CCSER1: variants seen among roughly 807,000 people sequenced by gnomAD.
CCSER1 encodes the protein coiled-coil serine rich protein 1, also known as serine-rich coiled-coil domain-containing protein 1.
A neutral mutation model predicts 82.0 loss-of-function variants in CCSER1; 41 were observed. The observed-to-expected ratio is 0.50, with a 90% confidence interval of 0.39 to 0.65. CCSER1 has a LOEUF of 0.65. Among genes scored for constraint, CCSER1 ranks in the 30% least tolerant of loss-of-function variants. The pLI is 0.00. For synonymous variants in CCSER1, 414 were observed against 383.9 expected (o/e 1.08, Z -0.92); for missense variants, 1,119 against 1,064.2 (o/e 1.05, Z -0.72).
intron 5 of CCSER1, among the ~76,000 whole-genome samples, chr4:90,580,371 C>A (rs1215676171): frequency 6.6e-6 from 1 of 152,162 alleles, no homozygotes; most frequent in Non-Finnish European, 1.5e-5. Context: ...GAGAAACTTA[C>A]CTCACTCTTA....
chr4:91,387,462 A>T (rs1751369775), intron 10 of CCSER1, among the ~76,000 whole-genome samples: 1 of 152,064 alleles, frequency 6.6e-6, no homozygotes, highest in African/African-American at 2.4e-5. Context: ...TGATTTGATC[A>T]TCATTTATGT....
At chr4:90,416,938 T>G (rs1755889702) in intron 4 of CCSER1, among the ~76,000 whole-genome samples, 1 of 134,550 alleles carries the variant, frequency 7.4e-6, no homozygotes, top group Admixed American at 6.9e-5. Context: ...TTAGCAAACT[T>G]AACACAGGAA....
chr4:90,811,379 T>C (rs908382694), intron 7 of CCSER1, among the ~76,000 whole-genome samples: 5 of 152,202 alleles, frequency 3.3e-5, no homozygotes, highest in East Asian at 1.9e-4. Context: ...CTGAAGAGTT[T>C]TGATTTTCTT....
intron 4 of CCSER1, among the ~76,000 whole-genome samples, chr4:90,465,231 G>A (rs1357962429): frequency 6.6e-6 from 1 of 151,930 alleles, no homozygotes; most frequent in Non-Finnish European, 1.5e-5. Context: ...CAAAGTGCTG[G>A]GATTACAAGT....
At chr4:90,254,424 C>T (rs895554779) in intron 1 of CCSER1, among the ~76,000 whole-genome samples, 2 of 152,216 alleles carry the variant, frequency 1.3e-5, no homozygotes, top group Admixed American at 6.6e-5. Flanking sequence ...TGTTGAACCT[C>T]CACCGTAAAC....
rs373598010 is a variant in CCSER1 at position 90,459,692 on chromosome 4, G to A, written c.1604-8542G>A. 4.5e-4 allele frequency among the ~76,000 whole-genome samples: 69 copies of A among 151,874 alleles called. 1 individual carries two copies. Among genetic ancestry groups the A allele is most frequent in the African/African-American group, 1.4e-3 (56 of 41,322 alleles). ...AGGGCACCAGTCGTACTGGATTAGC[G>A]CCCACCATAATGACAATATTTTAAC... On this transcript the variant is annotated intron_variant, in intron 4 of 10. Transcript: ENST00000509176.
At chr4:90,722,625 T>C (rs1742871698) in intron 6 of CCSER1, among the ~76,000 whole-genome samples, 1 of 151,896 alleles carries the variant, frequency 6.6e-6, no homozygotes, top group Non-Finnish European at 1.5e-5. Context: ...AGATTATTGT[T>C]CAATTTTTAC....
At position 91,601,435 on chromosome 4, in the gene CCSER1, G is replaced by A. The variant is rs1028737024; in HGVS notation, c.*2378G>A. 4.6e-5 allele frequency: 7 copies of A among 151,900 alleles called. No homozygotes were observed. The highest frequency in any genetic ancestry group is 1.7e-4 in the African/African-American group (7 of 41,400). The allele number at this position is 151,900 out of a possible 1,614,324, so 9.4% of individuals were successfully genotyped here. On this transcript the variant is annotated 3_prime_UTR_variant, in exon 11 of 11. Transcript: ENST00000509176. ...TATTTGTAATACTAAGTGTAACTCA[G>A]GCCTGGAGAAGGTGTAAGCCCACTA...
At chr4:90,278,189 A>G (rs1197356959) in intron 1 of CCSER1, among the ~76,000 whole-genome samples, 1 of 152,072 alleles carries the variant, frequency 6.6e-6, no homozygotes, top group African/African-American at 2.4e-5. Context: ...GCAGATGTTG[A>G]TGAAGATGCA....
chr4:90,791,243 T>C (rs1755190916), intron 7 of CCSER1, among the ~76,000 whole-genome samples: 1 of 152,230 alleles, frequency 6.6e-6, no homozygotes, highest in East Asian at 1.9e-4. Flanking sequence ...CCATGACATG[T>C]GGGGATTAAG....
chr4:90,418,686 T>C (rs1560488892), intron 4 of CCSER1, among the ~76,000 whole-genome samples: 1 of 152,026 alleles, frequency 6.6e-6, no homozygotes, highest in Non-Finnish European at 1.5e-5. Flanking sequence ...TCATGTAAAA[T>C]GTTAAAATCA....
chr4:90,683,550 T>G (rs770833420), intron 6 of CCSER1, among the ~76,000 whole-genome samples: 1 of 152,008 alleles, frequency 6.6e-6, no homozygotes. Flanking sequence ...GAAAAGAACT[T>G]GCAAAAGAAA....
At chr4:90,978,756 T>A (rs1189189821) in intron 9 of CCSER1, among the ~76,000 whole-genome samples, 1 of 151,720 alleles carries the variant, frequency 6.6e-6, no homozygotes, top group African/African-American at 2.4e-5. Context: ...GTTTATATGT[T>A]TTGTATGCAT....
intron 1 of CCSER1, among the ~76,000 whole-genome samples, chr4:90,277,569 G>A (rs1253549491): frequency 1.3e-5 from 2 of 151,986 alleles, no homozygotes; most frequent in African/African-American, 2.4e-5. Context: ...CAAAAATTAA[G>A]CAATGAGGAA....
chr4:90,706,036 A>G (rs1467336504), intron 6 of CCSER1, among the ~76,000 whole-genome samples: 1 of 152,172 alleles, frequency 6.6e-6, no homozygotes, highest in African/African-American at 2.4e-5. Context: ...TCAGTTGGAA[A>G]TGCAGAAATC....
intron 1 of CCSER1, among the ~76,000 whole-genome samples, chr4:90,222,366 C>A (rs1742311658): frequency 6.6e-6 from 1 of 152,048 alleles, no homozygotes; most frequent in South Asian, 2.1e-4. Context: ...TTCATGCCAC[C>A]ACATTGAAAC....
chr4:90,896,389 G>C (rs1287803018), intron 8 of CCSER1, among the ~76,000 whole-genome samples: 1 of 151,882 alleles, frequency 6.6e-6, no homozygotes, highest in East Asian at 1.9e-4. Flanking sequence ...TCATAATTTT[G>C]GTTCACCAAG....
Position 90,937,480 on chromosome 4 carries a change from AAC to A in CCSER1, c.2172+14055_2172+14056del, listed in dbSNP as rs148799317. On this transcript the variant is annotated intron_variant, in intron 9 of 10. Transcript: ENST00000509176. ...ACGTCGTGTTGTATTTCTAATTTGAAACACACACACACACACACACACAAACA... is the reference window on the plus strand; with the variant it reads ...ACGTCGTGTTGTATTTCTAATTTGAAACACACACACACACACACACAAACA... 2.6e-4 allele frequency among the ~76,000 whole-genome samples: 38 copies of A among 146,136 alleles called. 1 individual carries two copies. Among genetic ancestry groups the A allele is most frequent in the African/African-American group, 3.7e-4 (14 of 37,458 alleles).
intron 5 of CCSER1, among the ~76,000 whole-genome samples, chr4:90,571,463 T>C (rs1219992655): frequency 6.6e-6 from 1 of 152,150 alleles, no homozygotes; most frequent in African/African-American, 2.4e-5. Flanking sequence ...CTGGAGGTCA[T>C]TGTCATTATC....
Sources: gnomAD v4.1 joint callset for allele counts (sites outside exome capture counted in the v4.1 genomes callset) on GRCh38, gnomAD v4.1.1 for gene constraint, MANE v1.5 for transcripts, NCBI Gene and HGNC (gene_info 2026-07-23, HGNC 2026-07-21) for gene names.